The following HPSE2 variants were observed in gnomAD, a reference collection of about 807,000 sequenced individuals.
HPSE2 encodes the protein inactive heparanase-2.
Under a neutral mutation model 60.5 loss-of-function variants are expected in HPSE2, and 38 were observed. That is an observed-to-expected ratio of 0.63 (90% CI 0.48 to 0.82). The LOEUF (loss-of-function observed/expected upper bound fraction) is 0.82. Ranked by LOEUF, HPSE2 falls within the 40% of genes least tolerant of loss-of-function variation. The pLI is 0.00. For synonymous variants in HPSE2, 295 were observed against 293.2 expected, an observed-to-expected ratio of 1.01 and a Z score of -0.06; for missense variants, 713 against 740.4, an observed-to-expected ratio of 0.96 and a Z score of 0.43.
At chr10:99,178,078 C>T (rs1242083680) in intron 2 of HPSE2, among the ~76,000 whole-genome samples, 3 of 151,320 alleles carry the variant, frequency 2.0e-5, no homozygotes, top group Admixed American at 2.0e-4. Flanking sequence ...CCAATGAGAA[C>T]AGACACAAAG....
Position 98,569,702 on chromosome 10 carries a change from T to C in HPSE2, c.1320+45202A>G, listed in dbSNP as rs146417510. Among the ~76,000 whole-genome samples, 260 of 152,228 alleles carry C rather than the reference T, an allele frequency of 1.7e-3. 1 individual carries two copies. The highest frequency in any genetic ancestry group is 6.1e-3 in the African/African-American group (253 of 41,532). ...TCAAATCTGTGCTAAGTTATTCCTA[T>C]CTGTTTTGCACGGGACTAGGCCCAG... On this transcript the variant is annotated intron_variant, in intron 9 of 11. Coordinates refer to ENST00000370552, the MANE Select transcript of HPSE2 (RefSeq NM_021828.5).
At chr10:98,846,454 T>C (rs1483768552) in intron 3 of HPSE2, among the ~76,000 whole-genome samples, 1 of 152,230 alleles carries the variant, frequency 6.6e-6, no homozygotes, top group Non-Finnish European at 1.5e-5. Context: ...ATGCTGAGCA[T>C]GGAAACATGC....
chr10:98,796,012 C>A (rs1469700916), intron 3 of HPSE2, among the ~76,000 whole-genome samples: 1 of 151,838 alleles, frequency 6.6e-6, no homozygotes, highest in Non-Finnish European at 1.5e-5. Context: ...TCCTGAATAA[C>A]CACCAATGAT....
chr10:98,517,822 A>G (rs1381889686), intron 9 of HPSE2, among the ~76,000 whole-genome samples: 1 of 152,216 alleles, frequency 6.6e-6, no homozygotes, highest in African/African-American at 2.4e-5. Flanking sequence ...CTGCTCTGAG[A>G]TCCAAGTTCC....
intron 6 of HPSE2, among the ~76,000 whole-genome samples, chr10:98,659,426 T>C (rs1947165582): frequency 6.6e-6 from 1 of 152,240 alleles, no homozygotes; most frequent in South Asian, 2.1e-4. Context: ...TCCTACAGTA[T>C]GTTGTCCTTT....
chr10:98,915,904 G>C (rs1954108353), intron 3 of HPSE2, among the ~76,000 whole-genome samples: 1 of 152,218 alleles, frequency 6.6e-6, no homozygotes, highest in Non-Finnish European at 1.5e-5. Flanking sequence ...GCAATGGACA[G>C]GAGAGGGTAG....
chr10:99,013,810 A>G (rs1278655116), intron 3 of HPSE2: 2 of 296,776 alleles, frequency 6.7e-6, no homozygotes, highest in African/African-American at 2.3e-5. Flanking sequence ...ATTACTTCCT[A>G]TTGTAGGAGA....
chr10:98,646,724 AT>A (rs1386270448), intron 6 of HPSE2, among the ~76,000 whole-genome samples: 2 of 152,146 alleles, frequency 1.3e-5, no homozygotes, highest in East Asian at 3.9e-4. Flanking sequence ...TTAATTTTAC[AT>A]TTTAGTTCCA....
intron 3 of HPSE2, among the ~76,000 whole-genome samples, chr10:98,801,706 T>A (rs562673799): frequency 5.3e-4 from 80 of 151,692 alleles, no homozygotes; most frequent in African/African-American, 1.7e-3. Context: ...CACAAAAAAA[T>A]GAAAAGATAT....
At chr10:98,524,514 C>G (rs1942901330) in intron 9 of HPSE2, among the ~76,000 whole-genome samples, 1 of 152,210 alleles carries the variant, frequency 6.6e-6, no homozygotes, top group African/African-American at 2.4e-5. Flanking sequence ...AGAGCCTGAT[C>G]ATATCCTTTC....
intron 3 of HPSE2, among the ~76,000 whole-genome samples, chr10:99,025,520 T>C (rs181229703): frequency 1.6e-3 from 239 of 151,920 alleles, no homozygotes; most frequent in Non-Finnish European, 2.3e-3. Context: ...TACACAGCCA[T>C]AAAAAAAGAA....
intron 9 of HPSE2, among the ~76,000 whole-genome samples, chr10:98,562,981 A>C (rs896407200): frequency 6.6e-6 from 1 of 152,120 alleles, no homozygotes. Flanking sequence ...TAAAAAACAA[A>C]CAAACAAACA....
rs979647920 is a variant in HPSE2 at position 99,232,365 on chromosome 10, A to G, written c.431T>C (p.Leu144Pro). The G allele has an allele frequency of 6.4e-7, 1 of 1,551,590 alleles. No individual in the cohort carries two copies. The highest frequency in any genetic ancestry group is 8.7e-7 in the Non-Finnish European group (1 of 1,146,976). The change falls in exon 2 of 12, where the codon CTC becomes CCC. Residue 144 changes from leucine to proline, a missense_variant. Leu to Pro is a moderately conservative substitution (Grantham distance 98). Coordinates refer to ENST00000370552, the MANE Select transcript of HPSE2 (RefSeq NM_021828.5). ...SRGGPGPDYY[L>P]KNYEDDIVRS... ...TTTCTCACCATCCTCATAGTTTTTG[A>G]GATAGTAATCCGGGCCCGGGCCCCC...
chr10:99,276,298 AAT>A, the HPSE2 span, among the ~76,000 whole-genome samples: 2 of 152,186 alleles, frequency 1.3e-5, no homozygotes, highest in African/African-American at 4.8e-5. Flanking sequence ...ACTACAACCC[AAT>A]AATTATTCTT....
intron 9 of HPSE2, among the ~76,000 whole-genome samples, chr10:98,589,596 A>G (rs1433366451): frequency 2.6e-5 from 4 of 152,194 alleles, no homozygotes. Context: ...CTCATACATG[A>G]CAGCCTTTCA....
At chr10:99,081,623 G>A (rs150451878) in intron 3 of HPSE2, among the ~76,000 whole-genome samples, 2,290 of 112,306 alleles carry the variant, frequency 0.02, 59 homozygotes, top group African/African-American at 0.061. Context: ...ATGATGATGA[G>A]ATAATATAAT....
intron 9 of HPSE2, among the ~76,000 whole-genome samples, chr10:98,559,056 G>T (rs964100066): frequency 6.6e-6 from 1 of 152,168 alleles, no homozygotes; most frequent in Non-Finnish European, 1.5e-5. Context: ...TTCGGAGACA[G>T]GGTCTCAGTC....
chr10:98,867,997 G>T (rs1383238018), intron 3 of HPSE2, among the ~76,000 whole-genome samples: 1 of 151,900 alleles, frequency 6.6e-6, no homozygotes, highest in Non-Finnish European at 1.5e-5. Context: ...AGGAGGTGGA[G>T]GTTGCAGTGA....
At chr10:98,909,404 G>A (rs1198055198) in intron 3 of HPSE2, among the ~76,000 whole-genome samples, 1 of 151,642 alleles carries the variant, frequency 6.6e-6, no homozygotes, top group Non-Finnish European at 1.5e-5. Context: ...GTCGAAGCGG[G>A]TGAATCCAGA....
Sources: allele counts gnomAD v4.1 joint callset (sites outside exome capture counted in the v4.1 genomes callset), GRCh38; gene constraint gnomAD v4.1.1; transcripts MANE v1.5; gene names NCBI Gene and HGNC (gene_info 2026-07-23, HGNC 2026-07-21).